Variants in TERB1 observed in about 807,000 individuals in gnomAD.
TERB1 encodes telomere repeats-binding bouquet formation protein 1.
TERB1 carries 63 observed loss-of-function variants against 92.3 expected under a neutral mutation model. That is an observed-to-expected ratio of 0.68 (90% confidence interval 0.56 to 0.84). The LOEUF is 0.84. TERB1 is among the 40% of genes least tolerant of loss of function. The pLI, the probability that TERB1 is intolerant of heterozygous loss-of-function variation, is 0.00. For missense variants in TERB1, 709 were observed against 843.7 expected, an observed-to-expected ratio of 0.84 and a Z score of 1.98; for synonymous variants, 252 against 283.9, an observed-to-expected ratio of 0.89 and a Z score of 1.13.
chr16:66,759,396 C>A, intron 16 of TERB1, 106 bp from the exon 17 acceptor site: 1 of 847,886 alleles, frequency 1.2e-6, no homozygotes, highest in Non-Finnish European at 1.8e-6. Flanking sequence ...AAATCAGGAA[C>A]TATAAACACC....
chr16:66,771,757 AGGACTG>A (rs1188341540), intron 13 of TERB1, among the ~76,000 whole-genome samples: 1 of 152,210 alleles, frequency 6.6e-6, no homozygotes, highest in Non-Finnish European at 1.5e-5. Context: ...CCATCAATAA[AGGACTG>A]GTTAAATCAA....
Position 66,777,210 on chromosome 16 carries a change from C to A in TERB1, c.978G>T (p.Glu326Asp), listed in dbSNP as rs752219023. ...SIMLTLGHCT[E>D]DCEENQYDLF... is the part of the protein sequence containing the mutation. Reference sequence around the variant, plus strand: ...AATAAATCCAATACTTACCACAATCCTCTGTGCAATGACCAAGAGTAAGCA... The same window carrying A: ...AATAAATCCAATACTTACCACAATCATCTGTGCAATGACCAAGAGTAAGCA... Residue 326 changes from glutamate (E) to aspartate (D), a missense_variant, in exon 11 of 19, where the codon GAG becomes GAT. Coordinates refer to ENST00000433154, the MANE Select transcript of TERB1 (RefSeq NM_001136505.2). 211 of 1,548,748 alleles carry A rather than the reference C, an allele frequency of 1.4e-4. No homozygotes were observed. The highest frequency in any genetic ancestry group is 1.8e-4 in the Non-Finnish European group (204 of 1,145,566).
At chr16:66,757,389 C>T (rs985967686) in intron 18 of TERB1, among the ~76,000 whole-genome samples, 7 of 152,102 alleles carry the variant, frequency 4.6e-5, no homozygotes, top group Admixed American at 2.0e-4. Flanking sequence ...TTCATTGTTA[C>T]GTACTTGCTT....
At chr16:66,780,031 A>C (rs1024415404) in intron 9 of TERB1, among the ~76,000 whole-genome samples, 3 of 152,062 alleles carry the variant, frequency 2.0e-5, no homozygotes, top group African/African-American at 7.2e-5. Context: ...GCCTAGCTAG[A>C]AATTTTTGTA....
chr16:66,775,183 G>T lies in TERB1; in HGVS notation c.1046C>A (p.Thr349Asn). Residue 349 changes from threonine (T) to asparagine (N), a missense_variant, in exon 12 of 19, where the codon ACT (threonine) becomes AAT (asparagine). Physicochemically the swap from Thr to Asn is moderately conservative, Grantham distance 65 (BLOSUM62 0). Coordinates refer to ENST00000433154, the MANE Select transcript of TERB1 (RefSeq NM_001136505.2). ...NGLPLMIQAL[T>N]ESQNEELNKA... The stretch of plus-strand genomic sequence containing the variant: ...GTTCAGTTCCTCATTCTGCGATTCA[G>T]TTAAGGCTTGAATCATGAGTGGAAG... 6.4e-7 allele frequency: 1 copy of T among 1,551,414 alleles called. No homozygotes were observed. The highest frequency in any genetic ancestry group is 8.7e-7 in the Non-Finnish European group (1 of 1,146,782).
rs530738320 is a variant in TERB1 at position 66,766,733 on chromosome 16, A to G, written c.1780+682T>C. On this transcript the variant is annotated intron_variant, in intron 16 of 18. Coordinates refer to ENST00000433154, the MANE Select transcript of TERB1 (RefSeq NM_001136505.2). ...GACAAAAAGATAATAAAGTAATAAA[A>G]AGGTACTAACTGTGTTTATTCATAC... Among the ~76,000 whole-genome samples, 8 of 152,350 alleles carry G rather than the reference A, an allele frequency of 5.3e-5. No homozygotes were observed. The South Asian group carries it at 1.7e-3, about 32-fold the overall frequency.
In TERB1 at chr16:66,754,892, A is replaced by C; in HGVS notation, c.*84T>G. 8.0e-7 allele frequency: 1 copy of C among 1,250,310 alleles called. No individual in the cohort carries two copies. The highest frequency in any genetic ancestry group is 1.5e-5 in the African/African-American group (1 of 65,574). 77.5% of individuals were successfully genotyped at this position (1,250,310 alleles called of 1,614,324 possible). ...CCTCATTTCCACATTCCTTCTCATG[A>C]GAGTTTAGAAAAATACTTTAAATGT... On this transcript the variant is annotated 3_prime_UTR_variant, in exon 19 of 19. Coordinates refer to ENST00000433154, the MANE Select transcript of TERB1 (RefSeq NM_001136505.2).
intron 6 of TERB1, 118 bp downstream of exon 6, chr16:66,788,051 A>G: frequency 1.3e-6 from 1 of 765,370 alleles, no homozygotes; most frequent in Non-Finnish European, 1.9e-6. Flanking sequence ...TCAGAGCAAG[A>G]CTCTGTCTCC....
At chr16:66,783,035 G>T (rs1052666959) in intron 9 of TERB1, among the ~76,000 whole-genome samples, 3 of 152,068 alleles carry the variant, frequency 2.0e-5, no homozygotes, top group African/African-American at 7.2e-5. Flanking sequence ...AAATTTTTCT[G>T]TAGATACAGG....
At chr16:66,761,956 G>A (rs906993931) in intron 16 of TERB1, among the ~76,000 whole-genome samples, 8 of 152,192 alleles carry the variant, frequency 5.3e-5, no homozygotes, top group East Asian at 1.9e-4. Context: ...GGGAGGCTGC[G>A]GCAGGAGAAT....
Position 66,777,280 on chromosome 16 carries a change from A to T in TERB1, c.908T>A (p.Leu303Ter). The T allele has an allele frequency of 6.5e-7, 1 of 1,550,224 alleles. No homozygotes were observed. Residue 303 changes from leucine to a stop codon, truncating the protein, a stop_gained, in exon 11 of 19, where the codon TTA becomes TAA. Transcript: ENST00000433154. LOFTEE classifies it high-confidence loss of function. ...KYHIVSKLLA[L>*]LLHESLDSGE... ...TGAATCCAGACTTTCATGAAGCAGT[A>T]ATGCCAGAAGTTTAGAAACAATGTG...
At chr16:66,796,692 G>A in intron 3 of TERB1, 76 bp downstream of exon 3, 2 of 998,982 alleles carry the variant, frequency 2.0e-6, no homozygotes, top group Non-Finnish European at 3.1e-6. Flanking sequence ...TCATTTCCTG[G>A]ATCCTGTCAG....
intron 9 of TERB1, among the ~76,000 whole-genome samples, chr16:66,782,976 C>T (rs916590667): frequency 2.6e-5 from 4 of 152,074 alleles, no homozygotes; most frequent in African/African-American, 9.7e-5. Flanking sequence ...AGCAATCCTC[C>T]CAAGTAGCTC....
intron 3 of TERB1, among the ~76,000 whole-genome samples, chr16:66,791,675 C>T (rs2018837273): frequency 6.6e-6 from 1 of 152,048 alleles, no homozygotes; most frequent in Non-Finnish European, 1.5e-5. Context: ...TAAGGGAGTA[C>T]TACATACAAT....
At chr16:66,789,229 C>T (rs2018779879) in intron 5 of TERB1, among the ~76,000 whole-genome samples, 1 of 151,892 alleles carries the variant, frequency 6.6e-6, no homozygotes, top group African/African-American at 2.4e-5. Context: ...TGTATCAAAA[C>T]ATCTCATGTA....
chr16:66,764,723 T>C (rs2018309722), intron 16 of TERB1, among the ~76,000 whole-genome samples: 3 of 152,082 alleles, frequency 2.0e-5, no homozygotes, highest in Admixed American at 2.0e-4. Context: ...GAGAGAACAG[T>C]CATGGATGAT....
chr16:66,779,562 T>TC (rs1290182861), intron 9 of TERB1, among the ~76,000 whole-genome samples: 2 of 151,918 alleles, frequency 1.3e-5, no homozygotes, highest in Non-Finnish European at 2.9e-5. Flanking sequence ...CACACTACTG[T>TC]ACTCCAGCCT....
chr16:66,797,179 T>C (rs527450254), intron 2 of TERB1, among the ~76,000 whole-genome samples: 11 of 151,826 alleles, frequency 7.2e-5, no homozygotes, highest in Admixed American at 2.6e-4. Flanking sequence ...ATTAAGCAAA[T>C]GAATGATTGG....
At chr16:66,796,928 A>G in intron 2 of TERB1, 98 bp from the exon 3 acceptor site, 1 of 597,074 alleles carries the variant, frequency 1.7e-6, no homozygotes, top group Admixed American at 3.3e-5. Flanking sequence ...CTGAAGCCAA[A>G]AGACCGAGGA....
Sources: allele counts gnomAD v4.1 joint callset (sites outside exome capture counted in the v4.1 genomes callset), GRCh38; gene constraint gnomAD v4.1.1; transcripts MANE v1.5; gene names NCBI Gene and HGNC (gene_info 2026-07-23, HGNC 2026-07-21).